SEL1L2: variants seen among roughly 807,000 people sequenced by gnomAD.
The protein encoded by SEL1L2 is protein sel-1 homolog 2.
Under a neutral mutation model 98.8 loss-of-function variants are expected in SEL1L2, and 89 were observed. The observed-to-expected ratio is 0.90, with a 90% CI of 0.76 to 1.07. The LOEUF (loss-of-function observed/expected upper bound fraction) is 1.07, where lower values mean the gene tolerates loss of function less well. Among genes scored for constraint, SEL1L2 ranks in the 50% least tolerant of loss-of-function variants. The pLI is 0.00. For missense variants in SEL1L2, 788 were observed against 812.0 expected (o/e 0.97, Z 0.36); for synonymous variants, 262 against 278.5 (o/e 0.94, Z 0.59).
At chr20:13,876,189 T>G (rs1249923475) in intron 11 of SEL1L2, 74 bp from the exon 12 acceptor site, 1 of 1,075,560 alleles carries the variant, frequency 9.3e-7, no homozygotes, top group Non-Finnish European at 1.4e-6. Context: ...TAAAATGAAA[T>G]AGAGGTAACA....
intron 2 of SEL1L2, among the ~76,000 whole-genome samples, chr20:13,934,792 G>T (rs539893022): frequency 0.012 from 1,844 of 150,300 alleles, 38 homozygotes; most frequent in African/African-American, 0.041. Context: ...TTTATTTTTT[G>T]ATTATGGCCA....
chr20:13,961,071 A>C lies in SEL1L2; in HGVS notation c.59-4940T>G, dbSNP rs1225567303. Among the ~76,000 whole-genome samples the C allele has an allele frequency of 2.6e-5, 4 of 152,236 alleles. No homozygotes were observed. In the East Asian group the frequency reaches 7.7e-4, roughly 29 times the overall value. ...TACTTTATCTTCAATCTCCATAACA[A>C]CCCACCAAAATAGCAAGCACAGAAT... On this transcript the variant is annotated intron_variant, in intron 1 of 19. Coordinates refer to ENST00000284951, the MANE Select transcript of SEL1L2 (RefSeq NM_025229.2).
At chr20:13,922,920 C>G (rs1702424131) in intron 3 of SEL1L2, among the ~76,000 whole-genome samples, 1 of 152,080 alleles carries the variant, frequency 6.6e-6, no homozygotes. Flanking sequence ...AGGAACCAAG[C>G]AAGTATAGGG....
At chr20:13,991,860 G>T (rs1601082440), upstream of SEL1L2, among the ~76,000 whole-genome samples, 1 of 152,138 alleles carries the variant, frequency 6.6e-6, no homozygotes, top group Non-Finnish European at 1.5e-5. Flanking sequence ...GGACGTGGTG[G>T]TATGCGCCTG....
At chr20:13,864,636 T>TG (rs1366636097) in intron 17 of SEL1L2, among the ~76,000 whole-genome samples, 1 of 152,238 alleles carries the variant, frequency 6.6e-6, no homozygotes, top group Admixed American at 6.5e-5. Context: ...GAGAGGATCC[T>TG]GCCATGTATC....
At chr20:13,866,624 C>A in intron 15 of SEL1L2, 78 bp downstream of exon 15, 3 of 1,175,644 alleles carry the variant, frequency 2.6e-6, no homozygotes, top group Non-Finnish European at 3.4e-6. Flanking sequence ...TCAAAGACAC[C>A]AACAATTTAA....
intron 5 of SEL1L2, among the ~76,000 whole-genome samples, chr20:13,901,966 A>G (rs944903160): frequency 6.6e-6 from 1 of 152,162 alleles, no homozygotes; most frequent in Admixed American, 6.5e-5. Flanking sequence ...CCTGGCCTTC[A>G]TACTTACTTT....
At chr20:13,931,897 T>C (rs1417449703) in intron 2 of SEL1L2, 126 bp from the exon 3 acceptor site, 2 of 705,368 alleles carry the variant, frequency 2.8e-6, no homozygotes, top group African/African-American at 1.8e-5. Context: ...CTCTAATTCT[T>C]GCTTTTTTCA....
upstream of SEL1L2, chr20:13,990,697 G>C (rs115222564): frequency 3.5e-6 from 2 of 575,532 alleles, no homozygotes; most frequent in Non-Finnish European, 6.0e-6. Context: ...CTTTCAAGCC[G>C]GAATGAAGGC....
chr20:13,969,438 T>G (rs1257757240), intron 1 of SEL1L2, among the ~76,000 whole-genome samples: 1 of 152,198 alleles, frequency 6.6e-6, no homozygotes, highest in Non-Finnish European at 1.5e-5. Context: ...CAGTCGTGGG[T>G]GGGGAGTGGG....
chr20:13,940,736 C>G (rs1210036537), intron 2 of SEL1L2, among the ~76,000 whole-genome samples: 1 of 152,052 alleles, frequency 6.6e-6, no homozygotes, highest in Non-Finnish European at 1.5e-5. Flanking sequence ...GAGTTCAAGA[C>G]CAGCCTGGCC....
chr20:13,891,895 T>C (rs556287127), intron 5 of SEL1L2, among the ~76,000 whole-genome samples: 1 of 152,192 alleles, frequency 6.6e-6, no homozygotes, highest in Admixed American at 6.5e-5. Flanking sequence ...CATATGAAAT[T>C]ATAAAGCTCT....
chr20:13,927,590 A>AT (rs2048958400), intron 3 of SEL1L2, among the ~76,000 whole-genome samples: 1 of 152,236 alleles, frequency 6.6e-6, no homozygotes. Context: ...CATTAAGAAT[A>AT]TTTAATCACT....
intron 5 of SEL1L2, among the ~76,000 whole-genome samples, chr20:13,888,947 C>CTTTCT (rs1183882633): frequency 3.4e-5 from 5 of 145,422 alleles, no homozygotes; most frequent in African/African-American, 5.1e-5. Flanking sequence ...CTCCCGGCCT[C>CTTTCT]TTTCTTTTCT....
chr20:13,987,974 T>G lies in SEL1L2; in HGVS notation c.58+2503A>C, dbSNP rs146186576. 5.3e-5 allele frequency among the ~76,000 whole-genome samples: 8 copies of G among 152,348 alleles called. No individual in the cohort carries two copies. In the East Asian group the frequency reaches 1.5e-3, roughly 29 times the overall value. ...ATATCCTCCAAAACAGAAGAGTTTT[T>G]AGTTTTGATATCCAGTTTGGTTTTT... On this transcript the variant is annotated intron_variant, in intron 1 of 19. Transcript: ENST00000284951.
At chr20:13,879,311 T>C (rs1045327962) in intron 10 of SEL1L2, among the ~76,000 whole-genome samples, 4 of 152,140 alleles carry the variant, frequency 2.6e-5, no homozygotes, top group African/African-American at 4.8e-5. Context: ...GCCATTACTA[T>C]AAACAATCTT....
rs1988015265 is a variant in SEL1L2 at position 13,850,262 on chromosome 20, G to T, written c.1876C>A (p.His626Asn). Residue 626 changes from histidine to asparagine, a missense_variant, in exon 19 of 20, where the codon CAC becomes AAC. By Grantham distance (68) the His-to-Asn change is moderately conservative. Coordinates refer to ENST00000284951, the MANE Select transcript of SEL1L2 (RefSeq NM_025229.2). ...ATGACGGCAAAGAGCACAGGTATGT[G>T]GGCATCTGGACTCGTTTGAGCAGCC... ...DMAAQTSPDAHIPVLFAVMKL... is the reference protein window; with the variant it reads ...DMAAQTSPDANIPVLFAVMKL... 1 of 1,613,926 alleles carries T rather than the reference G, an allele frequency of 6.2e-7. No homozygotes were observed. Among genetic ancestry groups the T allele is most frequent in the Non-Finnish European group, 8.5e-7 (1 of 1,179,936 alleles).
At chr20:13,891,341 A>G (rs1430210845) in intron 5 of SEL1L2, among the ~76,000 whole-genome samples, 2 of 152,200 alleles carry the variant, frequency 1.3e-5, no homozygotes, top group Non-Finnish European at 2.9e-5. Flanking sequence ...CAGACCAGAA[A>G]AGGATGGGAT....
chr20:13,870,879 C>G (rs552120118), intron 12 of SEL1L2, among the ~76,000 whole-genome samples: 3 of 146,062 alleles, frequency 2.1e-5, no homozygotes, highest in Non-Finnish European at 4.5e-5. Flanking sequence ...GCCGAGATTG[C>G]GCCACTTCAC....
Sources: allele counts gnomAD v4.1 joint callset (sites outside exome capture counted in the v4.1 genomes callset), GRCh38; gene constraint gnomAD v4.1.1; transcripts MANE v1.5; gene names NCBI Gene and HGNC (gene_info 2026-07-23, HGNC 2026-07-21).